The following RALGPS1 variants were observed in gnomAD, a reference collection of about 807,000 sequenced individuals.
RALGPS1 encodes ras-specific guanine nucleotide-releasing factor RalGPS1.
A neutral mutation model predicts 78.8 loss-of-function variants in RALGPS1; 19 were observed. The ratio of observed to expected loss-of-function variants is 0.24; its 90% confidence interval spans 0.17 to 0.35. The LOEUF is 0.35. RALGPS1 is among the 10% of genes least tolerant of loss of function. The probability of loss-of-function intolerance (pLI) is 1.00; values close to 1 mark genes in which losing one functional copy is unlikely to be tolerated. For synonymous variants in RALGPS1, 228 were observed against 256.3 expected (o/e 0.89, Z 1.06); for missense variants, 454 against 688.3 (o/e 0.66, Z 3.81).
At chr9:127,000,474 C>T (rs192821385) in intron 4 of RALGPS1, among the ~76,000 whole-genome samples, 48 of 144,110 alleles carry the variant, frequency 3.3e-4, no homozygotes, top group Non-Finnish European at 6.5e-4. Context: ...ATGTGTTATT[C>T]AGTTTCCAAA....
At chr9:126,997,518 G>T (rs1481239169) in intron 4 of RALGPS1, among the ~76,000 whole-genome samples, 1 of 152,186 alleles carries the variant, frequency 6.6e-6, no homozygotes, top group African/African-American at 2.4e-5. Flanking sequence ...TGAAATAAAA[G>T]AGGATACAAA....
At chr9:127,055,208 A>ATCTGTCTGTCTGTCTGTCTG (rs1554809728) in intron 7 of RALGPS1, among the ~76,000 whole-genome samples, 1,017 of 92,016 alleles carry the variant, frequency 0.011, 11 homozygotes, top group African/African-American at 0.041. Flanking sequence ...TTTTCTATCT[A>ATCTGTCTGTCTGTCTGTCTG]TCTATCTGTC....
intron 8 of RALGPS1, among the ~76,000 whole-genome samples, chr9:127,077,588 T>C (rs2050786889): frequency 6.6e-6 from 1 of 152,242 alleles, no homozygotes; most frequent in Admixed American, 6.5e-5. Context: ...CAAGGTGCAG[T>C]AGTTCCCTTG....
chr9:127,041,687 G>A (rs1019470360), intron 5 of RALGPS1, among the ~76,000 whole-genome samples: 3 of 152,198 alleles, frequency 2.0e-5, no homozygotes, highest in Non-Finnish European at 2.9e-5. Flanking sequence ...TAGAAGAGTA[G>A]GGGAAGGAAA....
intron 1 of RALGPS1, among the ~76,000 whole-genome samples, chr9:126,935,316 A>G (rs1293755826): frequency 6.6e-6 from 1 of 152,222 alleles, no homozygotes; most frequent in Non-Finnish European, 1.5e-5. Context: ...TGAAACCAGC[A>G]TGGAATCTGT....
chr9:127,165,092 C>T (rs1476327949), intron 8 of RALGPS1, among the ~76,000 whole-genome samples: 2 of 152,196 alleles, frequency 1.3e-5, no homozygotes, highest in African/African-American at 2.4e-5. Flanking sequence ...TTCTTGATCA[C>T]CTGGACTTTT....
chr9:127,081,557 G>A (rs1165845672), intron 8 of RALGPS1, among the ~76,000 whole-genome samples: 1 of 152,234 alleles, frequency 6.6e-6, no homozygotes, highest in African/African-American at 2.4e-5. Flanking sequence ...TTGTTGAGAT[G>A]ACGAGGGCGT....
intron 1 of RALGPS1, among the ~76,000 whole-genome samples, chr9:126,923,112 C>T (rs1016138496): frequency 2.0e-5 from 3 of 152,182 alleles, no homozygotes; most frequent in Non-Finnish European, 2.9e-5. Flanking sequence ...AGTGGGCTCC[C>T]AGTGACTGAT....
rs1481467065 is a variant in RALGPS1 at position 127,205,739 on chromosome 9, G to A, written c.1248-6392G>A. 6.6e-6 allele frequency among the ~76,000 whole-genome samples: 1 copy of A among 152,232 alleles called. No individual in the cohort carries two copies. ...TTCTCAGTGCACAGAGGGGAAGATG[G>A]ATGATGCCTCATGGCAACTTGGGAT... On this transcript the variant is annotated intron_variant, in intron 14 of 18. Coordinates refer to ENST00000259351, the MANE Select transcript of RALGPS1 (RefSeq NM_014636.3). The surrounding 1 kb of genome is among the most constrained non-coding windows in gnomAD (Gnocchi z 4.0).
chr9:126,916,231 C>T (rs1260400872), intron 1 of RALGPS1, among the ~76,000 whole-genome samples: 2 of 152,164 alleles, frequency 1.3e-5, no homozygotes, highest in African/African-American at 4.8e-5. Flanking sequence ...ACTGTCTTTT[C>T]GCAGTTTGGG....
At chr9:127,015,488 CA>C (rs1028387794) in intron 4 of RALGPS1, among the ~76,000 whole-genome samples, 1 of 152,148 alleles carries the variant, frequency 6.6e-6, no homozygotes, top group East Asian at 1.9e-4. Context: ...GGACTGCGAA[CA>C]GATCTTGAAG....
intron 1 of RALGPS1, among the ~76,000 whole-genome samples, chr9:126,952,456 G>T (rs1472787001): frequency 6.6e-6 from 1 of 152,172 alleles, no homozygotes; most frequent in Non-Finnish European, 1.5e-5. Flanking sequence ...TGCCAGGAAA[G>T]GAGGCTTGGA....
At chr9:127,074,313 C>T (rs1484394242) in intron 8 of RALGPS1, among the ~76,000 whole-genome samples, 1 of 152,214 alleles carries the variant, frequency 6.6e-6, no homozygotes, top group East Asian at 1.9e-4. Flanking sequence ...CACCTTATGC[C>T]ATAGATTGAA....
intron 8 of RALGPS1, among the ~76,000 whole-genome samples, chr9:127,136,701 C>T (rs973385188): frequency 6.6e-6 from 1 of 152,194 alleles, no homozygotes; most frequent in African/African-American, 2.4e-5. Flanking sequence ...CCACCATCAC[C>T]TCACCTTCAT....
At position 127,195,216 on chromosome 9, in the gene RALGPS1, A is replaced by G. The variant is rs767662666; in HGVS notation, c.1036A>G (p.Asn346Asp). 39 of 1,609,438 alleles carry G rather than the reference A, an allele frequency of 2.4e-5. No homozygotes were observed. In the South Asian group the frequency reaches 4.3e-4, roughly 18 times the overall value. ...CAGGAAGAGCCACAGCCTAGGCAAC[A>G]AGTGGGTGACTGAGCAAGCCCTCCC... is the stretch of plus-strand genomic sequence containing the variant. The part of the protein sequence containing the change: ...RHRKSHSLGN[N>D]MMCQLSVVES... Residue 346 changes from asparagine (N) to aspartate (D), a missense_variant and splice_region_variant, in exon 12 of 19, where the codon AAT becomes GAT. By Grantham distance (23) the Asn-to-Asp change is conservative (BLOSUM62 1). Coordinates refer to ENST00000259351, the MANE Select transcript of RALGPS1 (RefSeq NM_014636.3).
chr9:127,188,395 A>C (rs191402581), intron 11 of RALGPS1, among the ~76,000 whole-genome samples: 9 of 152,076 alleles, frequency 5.9e-5, no homozygotes, highest in African/African-American at 1.9e-4. Context: ...TCAGTCCTCT[A>C]TACACCTCTC....
At chr9:127,077,974 T>A (rs2050824109) in intron 8 of RALGPS1, among the ~76,000 whole-genome samples, 1 of 152,184 alleles carries the variant, frequency 6.6e-6, no homozygotes, top group Non-Finnish European at 1.5e-5. Flanking sequence ...TTCCTTTTTC[T>A]ATTCTGCCCT....
intron 8 of RALGPS1, among the ~76,000 whole-genome samples, chr9:127,147,789 A>G (rs1033104132): frequency 1.3e-5 from 2 of 152,192 alleles, no homozygotes; most frequent in Non-Finnish European, 2.9e-5. Flanking sequence ...GATGCTGGGC[A>G]CTCAGTAAAT....
At chr9:126,965,986 A>G (rs771837690) in intron 3 of RALGPS1, 35 bp downstream of exon 3, 1 of 1,516,224 alleles carries the variant, frequency 6.6e-7, no homozygotes, top group South Asian at 1.1e-5. Flanking sequence ...GTGGCTGGGC[A>G]CCACAGCAGG....
Sources: allele counts gnomAD v4.1 joint callset (sites outside exome capture counted in the v4.1 genomes callset), GRCh38; gene constraint gnomAD v4.1.1; non-coding constraint Gnocchi (gnomAD v3.1); transcripts MANE v1.5; gene names NCBI Gene and HGNC (gene_info 2026-07-23, HGNC 2026-07-21).